Variants in ZHX2 observed in about 807,000 individuals in gnomAD.
ZHX2 encodes zinc fingers and homeoboxes protein 2.
ZHX2 carries 6 observed loss-of-function variants against 21.9 expected under a neutral mutation model. The ratio of observed to expected loss-of-function variants is 0.27; its 90% CI spans 0.15 to 0.54. The LOEUF (loss-of-function observed/expected upper bound fraction) is 0.54. ZHX2 is among the 20% of genes least tolerant of loss of function. The probability of loss-of-function intolerance (pLI) is 0.95; values close to 1 mark genes in which losing one functional copy is unlikely to be tolerated. For synonymous variants in ZHX2, 434 were observed against 437.1 expected, an observed-to-expected ratio of 0.99 and a Z score of 0.09; for missense variants, 908 against 1,090.7, an observed-to-expected ratio of 0.83 and a Z score of 2.36.
intron 1 of ZHX2, among the ~76,000 whole-genome samples, chr8:122,836,707 G>T (rs943447798): frequency 6.6e-6 from 1 of 152,232 alleles, no homozygotes; most frequent in Non-Finnish European, 1.5e-5. Flanking sequence ...ACGGGTACGT[G>T]TCTTCCAGCC....
Position 122,954,043 on chromosome 8 carries a change from T to A in ZHX2, c.*4+15T>A, listed in dbSNP as rs1280943184. On this transcript the variant is annotated intron_variant, in intron 3 of 3. Transcript: ENST00000314393. ...GGCCTAGACAGGTAATTCCACCTGC[T>A]CACCCAGGCAGCAGGGGAGAACGCA... is the stretch of plus-strand genomic sequence containing the variant. 1 of 1,559,862 alleles carries A rather than the reference T, an allele frequency of 6.4e-7. No individual in the cohort carries two copies. The highest frequency in any genetic ancestry group is 1.4e-5 in the African/African-American group (1 of 73,694).
At chr8:122,900,627 A>G (rs1820205996) in intron 2 of ZHX2, among the ~76,000 whole-genome samples, 2 of 152,308 alleles carry the variant, frequency 1.3e-5, no homozygotes. Flanking sequence ...GTGACATTCA[A>G]TATACGTTGG....
At chr8:122,810,438 C>G (rs757585726) in intron 1 of ZHX2, 4 of 152,204 alleles carry the variant, frequency 2.6e-5, no homozygotes, top group Non-Finnish European at 5.9e-5. Context: ...CAATAGTGAA[C>G]ATGTTGGATG....
At chr8:122,903,339 C>T (rs545619726) in intron 2 of ZHX2, among the ~76,000 whole-genome samples, 1 of 152,252 alleles carries the variant, frequency 6.6e-6, no homozygotes, top group South Asian at 2.1e-4. Flanking sequence ...ATCAGGTGCT[C>T]CTGTATGCTG....
intron 2 of ZHX2, among the ~76,000 whole-genome samples, chr8:122,899,003 G>T (rs555529314): frequency 9.2e-5 from 14 of 152,268 alleles, no homozygotes; most frequent in African/African-American, 3.1e-4. Flanking sequence ...ACTCACTGGA[G>T]CTTCTCACAA....
In ZHX2 at chr8:122,956,173, A is replaced by G. The variant is rs546681465; in HGVS notation, c.*4+2145A>G. 4.6e-5 allele frequency among the ~76,000 whole-genome samples: 7 copies of G among 152,000 alleles called. No individual in the cohort carries two copies. In the East Asian group the frequency reaches 7.8e-4, roughly 17 times the overall value. On this transcript the variant is annotated intron_variant, in intron 3 of 3. Transcript: ENST00000314393. ...CATCTTCTATCCTTGATCTTTTCCC[A>G]TCCATGACACGTGTCTACATGGTTG...
At chr8:122,855,536 G>A (rs571459918) in intron 1 of ZHX2, among the ~76,000 whole-genome samples, 16 of 152,144 alleles carry the variant, frequency 1.1e-4, no homozygotes, top group African/African-American at 2.7e-4. Context: ...TTTGGGGCTC[G>A]TGGCCACATT....
intron 2 of ZHX2, among the ~76,000 whole-genome samples, chr8:122,925,281 C>T (rs1013230379): frequency 3.3e-5 from 5 of 152,144 alleles, no homozygotes; most frequent in Non-Finnish European, 7.4e-5. Flanking sequence ...GTGCAAATTG[C>T]ACTAGACGTC....
intron 1 of ZHX2, among the ~76,000 whole-genome samples, chr8:122,812,784 A>G (rs541178086): frequency 6.6e-6 from 1 of 152,328 alleles, no homozygotes; most frequent in South Asian, 2.1e-4. Flanking sequence ...GACTGGTGAC[A>G]TGGCGGTGGC....
chr8:122,905,726 T>C (rs1344597585), intron 2 of ZHX2, among the ~76,000 whole-genome samples: 2 of 152,212 alleles, frequency 1.3e-5, no homozygotes, highest in Non-Finnish European at 2.9e-5. Context: ...GAAAAGTGGC[T>C]TAGGGATGTA....
In ZHX2 at chr8:122,833,269, C is replaced by T. The variant is rs142140524; in HGVS notation, c.-282-30208C>T. Among the ~76,000 whole-genome samples the T allele has an allele frequency of 7.4e-3, 1,130 of 152,178 alleles. 9 individuals carry two copies. Among genetic ancestry groups the T allele is most frequent in the African/African-American group, 0.026 (1,066 of 41,512 alleles). On this transcript the variant is annotated intron_variant, in intron 1 of 3. Coordinates refer to ENST00000314393, the MANE Select transcript of ZHX2 (RefSeq NM_014943.5). ...AATGAGCCTGGGGTCCTGGACTAAG[C>T]ATTAAGTTCCATGTGGCTTTTTAAC... is the stretch of plus-strand genomic sequence containing the variant.
At position 122,871,712 on chromosome 8, in the gene ZHX2, A is replaced by G. The variant is rs533287936; in HGVS notation, c.-220+8173A>G. On this transcript the variant is annotated intron_variant, in intron 2 of 3. Coordinates refer to ENST00000314393, the MANE Select transcript of ZHX2 (RefSeq NM_014943.5). ...ATAAACCCTTTACATATAATAAATA[A>G]ATTCCTTTCTCAGGGCAAAAAAAAA... is the stretch of plus-strand genomic sequence containing the variant. Among the ~76,000 whole-genome samples, 14 of 135,832 alleles carry G rather than the reference A, an allele frequency of 1.0e-4. 1 individual carries two copies. Among genetic ancestry groups the G allele is most frequent in the African/African-American group, 4.0e-4 (14 of 35,270 alleles). 89.1% of individuals were successfully genotyped at this position (135,832 alleles called of 152,430 possible).
chr8:122,790,847 A>G (rs1817502051), intron 1 of ZHX2, among the ~76,000 whole-genome samples: 1 of 152,132 alleles, frequency 6.6e-6, no homozygotes, highest in Non-Finnish European at 1.5e-5. Context: ...ACCTCAAGCG[A>G]TCCTCCCATC....
At chr8:122,865,888 C>T (rs1819281428) in intron 2 of ZHX2, among the ~76,000 whole-genome samples, 2 of 152,172 alleles carry the variant, frequency 1.3e-5, no homozygotes, top group African/African-American at 4.8e-5. Context: ...GTCAAGGAAG[C>T]AATCCCCACC....
At chr8:122,862,799 G>T (rs1203305405) in intron 1 of ZHX2, among the ~76,000 whole-genome samples, 1 of 152,226 alleles carries the variant, frequency 6.6e-6, no homozygotes, top group Non-Finnish European at 1.5e-5. Context: ...GCCCTCCGCG[G>T]CAGCTCCCTG....
chr8:122,787,192 C>T (rs1817413904), intron 1 of ZHX2, among the ~76,000 whole-genome samples: 1 of 152,060 alleles, frequency 6.6e-6, no homozygotes, highest in Non-Finnish European at 1.5e-5. Context: ...GGAATAGAGA[C>T]ACCAGGGCCA....
At chr8:122,876,573 G>A (rs1015688167) in intron 2 of ZHX2, among the ~76,000 whole-genome samples, 19 of 152,300 alleles carry the variant, frequency 1.2e-4, no homozygotes, top group South Asian at 2.1e-4. Flanking sequence ...GGGAGCCAAC[G>A]TGATGCCAGG....
chr8:122,910,277 A>G (rs749433010), intron 2 of ZHX2, among the ~76,000 whole-genome samples: 3 of 152,126 alleles, frequency 2.0e-5, no homozygotes, highest in Non-Finnish European at 4.4e-5. Context: ...AGGTCTCGGC[A>G]TTATCTTGGT....
chr8:122,940,984 C>T (rs1246518249), intron 2 of ZHX2, among the ~76,000 whole-genome samples: 1 of 151,542 alleles, frequency 6.6e-6, no homozygotes. Flanking sequence ...AATCCCAGCA[C>T]CTTGGGAGGC....
Sources: gnomAD v4.1 joint callset for allele counts (sites outside exome capture counted in the v4.1 genomes callset) on GRCh38, gnomAD v4.1.1 for gene constraint, MANE v1.5 for transcripts, NCBI Gene and HGNC (gene_info 2026-07-23, HGNC 2026-07-21) for gene names.